Variants in PDE7B observed in about 807,000 individuals in gnomAD.
The protein encoded by PDE7B is 3',5'-cyclic-AMP phosphodiesterase 7B.
A neutral mutation model predicts 56.2 loss-of-function variants in PDE7B; 29 were observed. The observed-to-expected ratio is 0.52, with a 90% CI of 0.38 to 0.70. PDE7B has a LOEUF of 0.70. PDE7B is among the 30% of genes least tolerant of loss of function. The pLI is 0.00. For missense variants in PDE7B, 490 were observed against 565.0 expected (o/e 0.87, Z 1.35); for synonymous variants, 197 against 196.9 (o/e 1.00, Z 0.00).
intron 2 of PDE7B, among the ~76,000 whole-genome samples, chr6:135,954,723 C>G (rs571029409): frequency 1.8e-4 from 28 of 152,210 alleles, no homozygotes; most frequent in African/African-American, 6.5e-4. Context: ...TGGGAATATA[C>G]AGAAAATTTT....
chr6:135,873,638 G>A (rs772033777), intron 1 of PDE7B, among the ~76,000 whole-genome samples: 1 of 152,004 alleles, frequency 6.6e-6, no homozygotes, highest in Non-Finnish European at 1.5e-5. Flanking sequence ...TCTTCATTGT[G>A]ATTGCAATAG....
chr6:135,921,834 A>T (rs532522490), intron 1 of PDE7B, among the ~76,000 whole-genome samples: 1 of 152,030 alleles, frequency 6.6e-6, no homozygotes, highest in Non-Finnish European at 1.5e-5. Flanking sequence ...TGTTCTCCAC[A>T]TCCCTTTCTA....
At chr6:135,973,846 G>T (rs74704120) in intron 2 of PDE7B, among the ~76,000 whole-genome samples, 2,042 of 152,212 alleles carry the variant, frequency 0.013, 55 homozygotes, top group African/African-American at 0.046. Flanking sequence ...CCATTTGAAC[G>T]GTAACACTTT....
Position 135,973,292 on chromosome 6 carries a change from G to A in PDE7B, c.82+25768G>A, listed in dbSNP as rs570501215. On this transcript the variant is annotated intron_variant, in intron 2 of 12. Coordinates refer to ENST00000308191, the MANE Select transcript of PDE7B (RefSeq NM_018945.4). ...AATGTCCTCCAGGTTCTTCCATGTT[G>A]TCACAAATTGCAGAATTTCCTTTTG... 3.3e-5 allele frequency among the ~76,000 whole-genome samples: 5 copies of A among 152,186 alleles called. No individual in the cohort carries two copies. The South Asian group carries it at 1.0e-3, about 32-fold the overall frequency.
intron 2 of PDE7B, among the ~76,000 whole-genome samples, chr6:136,006,897 T>C (rs1775794912): frequency 6.6e-6 from 1 of 152,180 alleles, no homozygotes; most frequent in Non-Finnish European, 1.5e-5. Context: ...TTAGATGCCT[T>C]ATTTCTTTCT....
At chr6:135,916,541 C>T (rs1278230959) in intron 1 of PDE7B, among the ~76,000 whole-genome samples, 5 of 151,294 alleles carry the variant, frequency 3.3e-5, no homozygotes, top group Admixed American at 2.0e-4. Flanking sequence ...TACAGGTGAC[C>T]GCCACCATGC....
chr6:136,002,036 G>A (rs978426083), intron 2 of PDE7B, among the ~76,000 whole-genome samples: 6 of 152,118 alleles, frequency 3.9e-5, no homozygotes, highest in Non-Finnish European at 7.3e-5. Context: ...AGAGAGTGGG[G>A]GCCAATATTC....
At chr6:135,869,822 T>G (rs1775340045) in intron 1 of PDE7B, among the ~76,000 whole-genome samples, 1 of 151,988 alleles carries the variant, frequency 6.6e-6, no homozygotes, top group African/African-American at 2.4e-5. Flanking sequence ...AAGAGCGAAG[T>G]CCTGAGAAGA....
chr6:136,052,515 G>A (rs765446152), intron 2 of PDE7B, among the ~76,000 whole-genome samples: 1 of 152,018 alleles, frequency 6.6e-6, no homozygotes, highest in Non-Finnish European at 1.5e-5. Context: ...TTCCAACTGG[G>A]GCCCATCCCA....
chr6:136,002,881 A>G (rs1222611301), intron 2 of PDE7B, among the ~76,000 whole-genome samples: 5 of 152,114 alleles, frequency 3.3e-5, no homozygotes, highest in African/African-American at 9.7e-5. Context: ...TCTCCACCCC[A>G]AATCAACACA....
At chr6:135,884,960 G>A (rs1583736956) in intron 1 of PDE7B, among the ~76,000 whole-genome samples, 1 of 152,122 alleles carries the variant, frequency 6.6e-6, no homozygotes, top group East Asian at 1.9e-4. Flanking sequence ...TCTGCTCTAA[G>A]ATCTCACAGC....
At chr6:135,917,182 T>C (rs1773969020) in intron 1 of PDE7B, among the ~76,000 whole-genome samples, 1 of 152,228 alleles carries the variant, frequency 6.6e-6, no homozygotes, top group African/African-American at 2.4e-5. Context: ...CAACATTAGG[T>C]TTCCTTTCAA....
At chr6:136,016,990 G>C (rs1377575406) in intron 2 of PDE7B, among the ~76,000 whole-genome samples, 3 of 152,166 alleles carry the variant, frequency 2.0e-5, no homozygotes, top group African/African-American at 7.2e-5. Context: ...ACAGTCAATT[G>C]CCTTGAAAAC....
intron 3 of PDE7B, among the ~76,000 whole-genome samples, chr6:136,143,945 T>C (rs1778369915): frequency 6.6e-6 from 1 of 152,116 alleles, no homozygotes; most frequent in African/African-American, 2.4e-5. Context: ...CTGAGTTTAT[T>C]ATATAAATAT....
intron 1 of PDE7B, among the ~76,000 whole-genome samples, chr6:135,880,935 G>A (rs1775596674): frequency 6.6e-6 from 1 of 152,142 alleles, no homozygotes; most frequent in African/African-American, 2.4e-5. Context: ...TCTAATCCCA[G>A]AGATGCTGAA....
chr6:136,151,786 A>AGGTC (rs1180278161), intron 6 of PDE7B, among the ~76,000 whole-genome samples: 109 of 44,964 alleles, frequency 2.4e-3, no homozygotes, highest in Admixed American at 5.4e-3. Context: ...ATACAAAAAA[A>AGGTC]AAATTAGCCA....
At chr6:135,962,444 C>A (rs988911822) in intron 2 of PDE7B, among the ~76,000 whole-genome samples, 2 of 152,014 alleles carry the variant, frequency 1.3e-5, no homozygotes, top group African/African-American at 2.4e-5. Flanking sequence ...ATTCAAGAAG[C>A]GTTTTTGCTA....
At position 136,083,680 on chromosome 6, in the gene PDE7B, C is replaced by A. The variant is rs540148539; in HGVS notation, c.83-25051C>A. ...AAAATATACAGTGTAAACAAACTGG[C>A]CTTTTAGTATGAAGTGTACTAAATT... On this transcript the variant is annotated intron_variant, in intron 2 of 12. Coordinates refer to ENST00000308191, the MANE Select transcript of PDE7B (RefSeq NM_018945.4). Among the ~76,000 whole-genome samples the A allele has an allele frequency of 9.9e-5, 15 of 152,208 alleles. No individual in the cohort carries two copies. The East Asian group carries it at 2.9e-3, about 29-fold the overall frequency.
intron 1 of PDE7B, among the ~76,000 whole-genome samples, chr6:135,857,718 T>G (rs949386567): frequency 1.3e-5 from 2 of 152,188 alleles, no homozygotes; most frequent in Non-Finnish European, 2.9e-5. Context: ...GGTGAATTAT[T>G]GAAAAATTAT....
Sources: gnomAD v4.1 joint callset for allele counts (sites outside exome capture counted in the v4.1 genomes callset) on GRCh38, gnomAD v4.1.1 for gene constraint, MANE v1.5 for transcripts, NCBI Gene and HGNC (gene_info 2026-07-23, HGNC 2026-07-21) for gene names.